APBB2: variants seen among roughly 807,000 people sequenced by gnomAD.
APBB2 encodes amyloid beta precursor protein binding family B member 2.
In APBB2, 38 loss-of-function variants were observed where a neutral mutation model predicts 82.5. The observed-to-expected ratio is 0.46, with a 90% CI of 0.36 to 0.60. The LOEUF is 0.60. Among genes scored for constraint, APBB2 ranks in the 20% least tolerant of loss-of-function variants. The pLI, the probability that APBB2 is intolerant of heterozygous loss-of-function variation, is 0.00. For synonymous variants in APBB2, 341 were observed against 368.2 expected, an observed-to-expected ratio of 0.93 and a Z score of 0.85; for missense variants, 772 against 972.3, an observed-to-expected ratio of 0.79 and a Z score of 2.74.
intron 6 of APBB2, among the ~76,000 whole-genome samples, chr4:40,948,002 G>A (rs1360019729): frequency 1.3e-5 from 2 of 152,156 alleles, no homozygotes; most frequent in Non-Finnish European, 2.9e-5. Context: ...AGTTCTATGC[G>A]ATTTCACAGA....
At chr4:41,147,337 C>G (rs557916973) in intron 1 of APBB2, among the ~76,000 whole-genome samples, 1 of 152,242 alleles carries the variant, frequency 6.6e-6, no homozygotes, top group East Asian at 1.9e-4. Flanking sequence ...GAAATGAGAA[C>G]TGGATTTGAT....
chr4:41,029,216 T>C (rs78239867), intron 5 of APBB2, among the ~76,000 whole-genome samples: 6,950 of 152,236 alleles, frequency 0.046, 330 homozygotes, highest in African/African-American at 0.12. Flanking sequence ...TGAACTAGAT[T>C]ACAAAATATT....
intron 6 of APBB2, among the ~76,000 whole-genome samples, chr4:40,966,900 G>A (rs574723011): frequency 4.6e-5 from 7 of 152,300 alleles, no homozygotes; most frequent in South Asian, 4.1e-4. Flanking sequence ...CAGTGAAACC[G>A]CACCTTCAGG....
At chr4:40,962,781 C>T (rs937736561) in intron 6 of APBB2, among the ~76,000 whole-genome samples, 5 of 152,138 alleles carry the variant, frequency 3.3e-5, no homozygotes, top group Non-Finnish European at 5.9e-5. Flanking sequence ...GAGTACATAT[C>T]ACCATACAGC....
At chr4:41,082,765 C>G (rs762834925) in intron 3 of APBB2, among the ~76,000 whole-genome samples, 3 of 151,956 alleles carry the variant, frequency 2.0e-5, no homozygotes, top group Non-Finnish European at 4.4e-5. Flanking sequence ...TTCACTGAAG[C>G]ATTATTCACA....
intron 7 of APBB2, among the ~76,000 whole-genome samples, chr4:40,941,019 G>A (rs899561461): frequency 2.6e-5 from 4 of 152,162 alleles, no homozygotes; most frequent in African/African-American, 7.2e-5. Context: ...TATCCACTGC[G>A]CTTAACACCT....
At chr4:40,964,891 C>T (rs559511782) in intron 6 of APBB2, among the ~76,000 whole-genome samples, 107 of 152,070 alleles carry the variant, frequency 7.0e-4, no homozygotes, top group East Asian at 1.9e-3. Flanking sequence ...GAGGCCAAGG[C>T]GGGCAGATCA....
At chr4:40,982,885 G>T (rs1192144661) in intron 6 of APBB2, among the ~76,000 whole-genome samples, 1 of 152,140 alleles carries the variant, frequency 6.6e-6, no homozygotes, top group African/African-American at 2.4e-5. Flanking sequence ...CATGTGACAG[G>T]CTCCTGCCAT....
At chr4:41,132,899 T>G (rs1338953156) in intron 2 of APBB2, among the ~76,000 whole-genome samples, 1 of 151,944 alleles carries the variant, frequency 6.6e-6, no homozygotes, top group Non-Finnish European at 1.5e-5. Flanking sequence ...TGATACATAA[T>G]CATACTGCTC....
chr4:41,054,795 C>T (rs1727261232), intron 4 of APBB2, among the ~76,000 whole-genome samples: 1 of 151,982 alleles, frequency 6.6e-6, no homozygotes, highest in Admixed American at 6.6e-5. Context: ...AGGTGCAGCT[C>T]GCTATTCCCC....
chr4:40,919,645 A>G (rs1272105517), intron 10 of APBB2, among the ~76,000 whole-genome samples: 3 of 152,238 alleles, frequency 2.0e-5, no homozygotes, highest in Non-Finnish European at 4.4e-5. Flanking sequence ...CTCTGTCCAC[A>G]CAGCCGCCCA....
At chr4:40,893,991 A>C (rs948866295) in intron 10 of APBB2, among the ~76,000 whole-genome samples, 11 of 151,102 alleles carry the variant, frequency 7.3e-5, no homozygotes, top group African/African-American at 2.7e-4. Context: ...ACAACAAAAA[A>C]AGAATAGATT....
At chr4:40,908,002 G>A (rs1428812002) in intron 10 of APBB2, among the ~76,000 whole-genome samples, 1 of 150,936 alleles carries the variant, frequency 6.6e-6, no homozygotes, top group Admixed American at 6.6e-5. Context: ...GTGTATGTGT[G>A]TATGTGTATG....
chr4:41,139,772 C>T (rs913305241), intron 2 of APBB2, among the ~76,000 whole-genome samples: 4 of 152,062 alleles, frequency 2.6e-5, no homozygotes, highest in African/African-American at 9.7e-5. Context: ...AAGAAATGAA[C>T]AGGTAGAACA....
intron 7 of APBB2, among the ~76,000 whole-genome samples, chr4:40,939,657 T>C (rs1055057418): frequency 1.3e-5 from 2 of 152,132 alleles, no homozygotes; most frequent in African/African-American, 4.8e-5. Context: ...TGGAGTGCAG[T>C]GGCATGATCT....
At chr4:41,015,492 C>G (rs1809651804) in intron 5 of APBB2, among the ~76,000 whole-genome samples, 1 of 152,186 alleles carries the variant, frequency 6.6e-6, no homozygotes, top group South Asian at 2.1e-4. Context: ...CTCCCCCAGG[C>G]AAAACAGGGA....
rs143092079 is a variant in APBB2, at chr4:41,077,163, C to T, written c.-148-11490G>A. Among the ~76,000 whole-genome samples, 1,225 of 148,460 alleles carry T rather than the reference C, an allele frequency of 8.3e-3. 6 individuals carry two copies. The highest frequency in any genetic ancestry group is 0.028 in the Middle Eastern group (8 of 288). On this transcript the variant is annotated intron_variant, in intron 3 of 17. Transcript: ENST00000508593. ...AGGACTACAGGCGCATACCACCACA[C>T]CCAGCTAATTTTTTTTTTTTTTTTT...
intron 12 of APBB2, among the ~76,000 whole-genome samples, chr4:40,864,102 C>T (rs1763460909): frequency 6.6e-6 from 1 of 151,716 alleles, no homozygotes; most frequent in South Asian, 2.1e-4. Flanking sequence ...ATGACAAATA[C>T]AAATATTAGC....
intron 1 of APBB2, among the ~76,000 whole-genome samples, chr4:41,181,263 A>G (rs558884398): frequency 6.6e-6 from 1 of 152,150 alleles, no homozygotes; most frequent in African/African-American, 2.4e-5. Flanking sequence ...CAAGGCTACA[A>G]CTCAAGGGCC....
Sources: allele counts gnomAD v4.1 joint callset (sites outside exome capture counted in the v4.1 genomes callset), GRCh38; gene constraint gnomAD v4.1.1; transcripts MANE v1.5; gene names NCBI Gene and HGNC (gene_info 2026-07-23, HGNC 2026-07-21).